The following LINGO2 variants were observed in gnomAD, a reference collection of about 807,000 sequenced individuals.
The protein encoded by LINGO2 is leucine rich repeat and Ig domain containing 2.
In LINGO2, 14 loss-of-function variants were observed where a neutral mutation model predicts 30.6. The observed-to-expected ratio is 0.46, with a 90% confidence interval of 0.30 to 0.72. LINGO2 has a LOEUF of 0.72. LINGO2 is among the 30% of genes least tolerant of loss of function. The pLI, the probability that LINGO2 is intolerant of heterozygous loss-of-function variation, is 0.07. For synonymous variants in LINGO2, 317 were observed against 288.5 expected (o/e 1.10, Z -1.00); for missense variants, 729 against 751.7 (o/e 0.97, Z 0.35).
At chr9:28,756,082 T>G in the LINGO2 span, among the ~76,000 whole-genome samples, 1 of 152,086 alleles carries the variant, frequency 6.6e-6, no homozygotes, top group African/African-American at 2.4e-5. Flanking sequence ...GAGATGATCC[T>G]GAAATCACCT....
chr9:28,258,263 A>AT (rs1822446873), intron 4 of LINGO2, among the ~76,000 whole-genome samples: 1 of 151,898 alleles, frequency 6.6e-6, no homozygotes. Flanking sequence ...TGAAAAATAT[A>AT]TTTTTAATTA....
intron 2 of LINGO2, among the ~76,000 whole-genome samples, chr9:28,402,740 C>T (rs1416477875): frequency 6.6e-6 from 1 of 152,082 alleles, no homozygotes; most frequent in Non-Finnish European, 1.5e-5. Context: ...CAATGAGAGA[C>T]AACCCTTTCC....
intron 1 of LINGO2, among the ~76,000 whole-genome samples, chr9:28,533,020 T>C (rs951897555): frequency 6.6e-6 from 1 of 152,004 alleles, no homozygotes; most frequent in Non-Finnish European, 1.5e-5. Flanking sequence ...AAAGTATTGT[T>C]CCTGGGTGTG....
chr9:28,917,460 T>A, the LINGO2 span, among the ~76,000 whole-genome samples: 4 of 152,110 alleles, frequency 2.6e-5, no homozygotes, highest in Admixed American at 2.0e-4. Flanking sequence ...GGTTTTTTTT[T>A]CTTTTTGGTG....
At chr9:28,701,911 GT>G in the LINGO2 span, among the ~76,000 whole-genome samples, 1 of 151,826 alleles carries the variant, frequency 6.6e-6, no homozygotes, top group African/African-American at 2.4e-5. Flanking sequence ...ACAGTACTGT[GT>G]TTTTAAATTA....
chr9:28,238,501 A>C (rs1821660864), intron 4 of LINGO2, among the ~76,000 whole-genome samples: 1 of 152,202 alleles, frequency 6.6e-6, no homozygotes, highest in Non-Finnish European at 1.5e-5. Context: ...GAACTTTGGA[A>C]ACTATATAAA....
At chr9:29,025,395 A>G in the LINGO2 span, among the ~76,000 whole-genome samples, 11 of 152,128 alleles carry the variant, frequency 7.2e-5, no homozygotes, top group Non-Finnish European at 1.0e-4. Flanking sequence ...TTTGTTTATC[A>G]AACAAAATAA....
At chr9:28,785,846 A>G in the LINGO2 span, among the ~76,000 whole-genome samples, 1 of 152,202 alleles carries the variant, frequency 6.6e-6, no homozygotes, top group Non-Finnish European at 1.5e-5. Context: ...AGGGACTTAT[A>G]TTGATGTTAC....
At chr9:28,634,698 C>T (rs983877334) in intron 1 of LINGO2, among the ~76,000 whole-genome samples, 1 of 151,902 alleles carries the variant, frequency 6.6e-6, no homozygotes, top group Non-Finnish European at 1.5e-5. Flanking sequence ...TTTGGCCAGG[C>T]TGGTCTCAAA....
chr9:28,861,768 A>T, the LINGO2 span, among the ~76,000 whole-genome samples: 1 of 151,894 alleles, frequency 6.6e-6, no homozygotes, highest in East Asian at 1.9e-4. Context: ...TCTCTTACCA[A>T]AAAACACAAA....
the LINGO2 span, among the ~76,000 whole-genome samples, chr9:28,769,699 A>T: frequency 6.7e-6 from 1 of 148,608 alleles, no homozygotes; most frequent in African/African-American, 2.5e-5. Context: ...TTTTACTTAA[A>T]ATTTTTATTT....
At chr9:29,138,243 T>C in the LINGO2 span, among the ~76,000 whole-genome samples, 1 of 152,130 alleles carries the variant, frequency 6.6e-6, no homozygotes, top group Non-Finnish European at 1.5e-5. Flanking sequence ...GTCAATATGA[T>C]AAATCTGCCT....
chr9:28,931,069 G>A, the LINGO2 span, among the ~76,000 whole-genome samples: 1 of 152,152 alleles, frequency 6.6e-6, no homozygotes, highest in Non-Finnish European at 1.5e-5. Flanking sequence ...CTTTTCATGA[G>A]AAATTAGATA....
chr9:28,919,315 C>G, the LINGO2 span, among the ~76,000 whole-genome samples: 2 of 152,114 alleles, frequency 1.3e-5, no homozygotes, highest in Non-Finnish European at 2.9e-5. Context: ...ACTGGGGACA[C>G]ATTTCTTATC....
chr9:28,946,692 T>C, the LINGO2 span, among the ~76,000 whole-genome samples: 1 of 151,946 alleles, frequency 6.6e-6, no homozygotes, highest in East Asian at 1.9e-4. Flanking sequence ...GCTTTCTTTT[T>C]CCCCCCATTA....
chr9:28,092,095 G>A (rs1269733938), intron 4 of LINGO2, among the ~76,000 whole-genome samples: 7 of 152,296 alleles, frequency 4.6e-5, no homozygotes, highest in African/African-American at 1.7e-4. Context: ...TACACCGTTG[G>A]TGGGACTGTA....
the LINGO2 span, among the ~76,000 whole-genome samples, chr9:28,698,383 A>G: frequency 1.3e-5 from 2 of 152,104 alleles, no homozygotes; most frequent in African/African-American, 4.8e-5. Flanking sequence ...GGAACTAGAT[A>G]TACCAAAAAC....
intron 4 of LINGO2, among the ~76,000 whole-genome samples, chr9:28,164,629 T>A (rs1265176276): frequency 6.6e-6 from 1 of 152,128 alleles, no homozygotes; most frequent in Non-Finnish European, 1.5e-5. Context: ...GAAGCAAAGG[T>A]CACCTTGATA....
the LINGO2 span, among the ~76,000 whole-genome samples, chr9:28,853,075 T>G: frequency 6.6e-6 from 1 of 152,026 alleles, no homozygotes; most frequent in Non-Finnish European, 1.5e-5. Flanking sequence ...TCCCAGCTTT[T>G]ATTCCTGTGT....
Sources: gnomAD v4.1 joint callset for allele counts (sites outside exome capture counted in the v4.1 genomes callset) on GRCh38, gnomAD v4.1.1 for gene constraint, MANE v1.5 for transcripts, NCBI Gene and HGNC (gene_info 2026-07-23, HGNC 2026-07-21) for gene names.